Variants in SLC30A10 observed in about 807,000 individuals in gnomAD.
The protein encoded by SLC30A10 is solute carrier family 30 member 10, also known as calcium/manganese antiporter SLC30A10.
Under a neutral mutation model 21.7 loss-of-function variants are expected in SLC30A10, and 8 were observed. The observed-to-expected ratio is 0.37, with a 90% CI of 0.22 to 0.67. The LOEUF (loss-of-function observed/expected upper bound fraction) is 0.67. Among genes scored for constraint, SLC30A10 ranks in the 30% least tolerant of loss-of-function variants. The probability of loss-of-function intolerance (pLI) is 0.58; values close to 1 mark genes in which losing one functional copy is unlikely to be tolerated. For missense variants in SLC30A10, 521 were observed against 642.5 expected, an observed-to-expected ratio of 0.81 and a Z score of 2.04; for synonymous variants, 272 against 279.4, an observed-to-expected ratio of 0.97 and a Z score of 0.26.
Position 219,928,258 on chromosome 1 carries a change from G to A in SLC30A10, c.183C>T (p.Ala61=). 5.0e-6 allele frequency: 8 copies of A among 1,587,228 alleles called. No individual in the cohort carries two copies. Among genetic ancestry groups the A allele is most frequent in the Non-Finnish European group, 6.8e-6 (8 of 1,167,968 alleles). The change falls in exon 1 of 4, where the codon GCC becomes GCT. Residue 61 remains alanine (A), a synonymous_variant. Transcript: ENST00000366926. This position sits in a 1 kb window ranked among gnomAD's most constrained non-coding sequence, Gnocchi z 6.3. ...LCVGLSAGYI[A]RRPTRGFSAT... ...CGCTGAAGCCCCGGGTGGGGCGCCG[G>A]GCGATGTAGCCGGCGCTCAGGCCCA...
chr1:219,936,977 C>T (rs1316229992), intron 1 of SLC30A10, among the ~76,000 whole-genome samples: 2 of 152,082 alleles, frequency 1.3e-5, no homozygotes, highest in Non-Finnish European at 2.9e-5. Context: ...TTTCTGAGCT[C>T]ATCTTGATTC....
intron 1 of SLC30A10, among the ~76,000 whole-genome samples, chr1:219,956,207 G>A (rs556033134): frequency 1.3e-5 from 2 of 152,038 alleles, no homozygotes; most frequent in East Asian, 3.9e-4. Context: ...GTCTCACTCT[G>A]TCACCCTGGC....
intron 3 of SLC30A10, among the ~76,000 whole-genome samples, chr1:219,916,963 G>C (rs1659558210): frequency 6.8e-6 from 1 of 146,672 alleles, no homozygotes; most frequent in African/African-American, 2.5e-5. Context: ...TTACTATCTT[G>C]TGGGGTTTTT....
chr1:219,947,419 G>C (rs546277075), intron 1 of SLC30A10, among the ~76,000 whole-genome samples: 6 of 152,094 alleles, frequency 3.9e-5, no homozygotes, highest in Admixed American at 1.3e-4. Flanking sequence ...TGTGGTCTTG[G>C]CTACTTAAGA....
rs1221840527 is a variant in SLC30A10, at chr1:219,911,649, T to G, written c.*3800A>C. On this transcript the variant is annotated 3_prime_UTR_variant, in exon 4 of 4. Coordinates refer to ENST00000366926, the MANE Select transcript of SLC30A10 (RefSeq NM_018713.3). Reference sequence around the variant, plus strand: ...TTTCTTTAAATATCCAAAGTTCTTATGTGGAAACAACTGCAATTTTTATGA... The same window carrying G: ...TTTCTTTAAATATCCAAAGTTCTTAGGTGGAAACAACTGCAATTTTTATGA... Among the ~76,000 whole-genome samples, 1 of 152,204 alleles carries G rather than the reference T, an allele frequency of 6.6e-6. No individual in the cohort carries two copies. Among genetic ancestry groups the G allele is most frequent in the African/African-American group, 2.4e-5 (1 of 41,450 alleles).
At chr1:219,950,396 T>G (rs1440518273) in intron 1 of SLC30A10, among the ~76,000 whole-genome samples, 1 of 152,140 alleles carries the variant, frequency 6.6e-6, no homozygotes, top group Non-Finnish European at 1.5e-5. Context: ...TCCCAGCACT[T>G]TGGGAGGCCG....
chr1:219,925,649 ATATTTTTTT>A (rs1165884229), intron 2 of SLC30A10, among the ~76,000 whole-genome samples: 2 of 65,934 alleles, frequency 3.0e-5, no homozygotes, highest in Non-Finnish European at 5.0e-5. Flanking sequence ...ATATATATAT[ATATTTTTTT>A]TTTTTTTTTT....
intron 2 of SLC30A10, among the ~76,000 whole-genome samples, chr1:219,922,184 T>TG (rs1558252116): frequency 3.0e-5 from 1 of 33,126 alleles, no homozygotes; most frequent in African/African-American, 1.9e-4. Context: ...GTGTTTTTTT[T>TG]TTTTTTTTTT....
chr1:219,927,003 C>T (rs374887697), intron 2 of SLC30A10, 25 bp downstream of exon 2: 354 of 1,565,636 alleles, frequency 2.3e-4, no homozygotes, highest in Middle Eastern at 5.0e-4. Flanking sequence ...AAAGGGATTT[C>T]AAATAGGCCC....
intron 2 of SLC30A10, chr1:219,919,127 T>C (rs1485411170): frequency 3.3e-5 from 5 of 152,196 alleles, no homozygotes; most frequent in Non-Finnish European, 7.3e-5. Flanking sequence ...ATACTAAAAA[T>C]TGTGGGTGCC....
intron 1 of SLC30A10, among the ~76,000 whole-genome samples, chr1:219,954,058 C>G (rs1157632480): frequency 6.6e-6 from 1 of 151,898 alleles, no homozygotes; most frequent in East Asian, 1.9e-4. Context: ...ACAGCAAATT[C>G]CCCTTTGCCT....
chr1:219,949,614 C>T (rs1660239308), intron 1 of SLC30A10, among the ~76,000 whole-genome samples: 1 of 151,468 alleles, frequency 6.6e-6, no homozygotes, highest in Non-Finnish European at 1.5e-5. Flanking sequence ...TTGGGGGGAG[C>T]GGGAAGGGAT....
chr1:219,933,790 G>A (rs1319646474), intron 1 of SLC30A10, among the ~76,000 whole-genome samples: 1 of 152,204 alleles, frequency 6.6e-6, no homozygotes, highest in Non-Finnish European at 1.5e-5. Flanking sequence ...TTTGTTTACA[G>A]ATCCATCTGG....
chr1:219,948,940 T>C (rs1191580416), intron 1 of SLC30A10, among the ~76,000 whole-genome samples: 1 of 151,924 alleles, frequency 6.6e-6, no homozygotes, highest in African/African-American at 2.4e-5. Context: ...CATCAAAAAG[T>C]GGGCGAAGGA....
At position 219,928,464 on chromosome 1, in the gene SLC30A10, G is replaced by A; in HGVS notation, c.-24C>T. 1 of 1,577,186 alleles carries A rather than the reference G, an allele frequency of 6.3e-7. No homozygotes were observed. Among genetic ancestry groups the A allele is most frequent in the South Asian group, 1.2e-5 (1 of 85,938 alleles). On this transcript the variant is annotated 5_prime_UTR_variant, in exon 1 of 4. Coordinates refer to ENST00000366926, the MANE Select transcript of SLC30A10 (RefSeq NM_018713.3). This position sits in a 1 kb window ranked among gnomAD's most constrained non-coding sequence, Gnocchi z 6.3. ...ATCTCGCCACCAGCCCCGGGCGCCC[G>A]GCGCCGCCCAGGGGAGCGCAGCCCA...
intron 1 of SLC30A10, among the ~76,000 whole-genome samples, chr1:219,944,016 C>T (rs935319563): frequency 1.3e-4 from 19 of 148,908 alleles, no homozygotes; most frequent in Middle Eastern, 3.7e-3. Flanking sequence ...AGGAGAATGG[C>T]GTGAACCCAG....
intron 2 of SLC30A10, among the ~76,000 whole-genome samples, chr1:219,919,267 A>C (rs948373846): frequency 6.6e-6 from 1 of 152,184 alleles, no homozygotes. Flanking sequence ...TTAGGTAAAA[A>C]TTTGGTCAGA....
At chr1:219,954,181 C>T (rs1336048873) in intron 1 of SLC30A10, among the ~76,000 whole-genome samples, 1 of 151,942 alleles carries the variant, frequency 6.6e-6, no homozygotes. Context: ...CGTGAAAAGC[C>T]CATGTCAGGC....
At chr1:219,948,216 C>T (rs1391999627) in intron 1 of SLC30A10, among the ~76,000 whole-genome samples, 1 of 150,354 alleles carries the variant, frequency 6.7e-6, no homozygotes, top group Non-Finnish European at 1.5e-5. Flanking sequence ...AATGCCATCC[C>T]CATCAAGCTA....
Sources: allele counts gnomAD v4.1 joint callset (sites outside exome capture counted in the v4.1 genomes callset), GRCh38; gene constraint gnomAD v4.1.1; non-coding constraint Gnocchi (gnomAD v3.1); transcripts MANE v1.5; gene names NCBI Gene and HGNC (gene_info 2026-07-23, HGNC 2026-07-21).